The following CREBBP variants were observed in gnomAD, a reference collection of about 807,000 sequenced individuals.
The protein encoded by CREBBP is CREB-binding protein.
Under a neutral mutation model 265.0 loss-of-function variants are expected in CREBBP, and 19 were observed. That is an observed-to-expected ratio of 0.07 (90% CI 0.05 to 0.11). The LOEUF is 0.11. Ranked by LOEUF, CREBBP falls within the 10% of genes least tolerant of loss-of-function variation. The pLI, the probability that CREBBP is intolerant of heterozygous loss-of-function variation, is 1.00. For synonymous variants in CREBBP, 1,457 were observed against 1,223.7 expected (o/e 1.19, Z -3.98); for missense variants, 2,525 against 3,219.0 (o/e 0.78, Z 5.22).
intron 23 of CREBBP, chr16:3,741,180 C>T (rs2052197400): frequency 6.0e-6 from 1 of 167,928 alleles, no homozygotes; most frequent in Non-Finnish European, 1.3e-5. Context: ...AGGGCCAGCC[C>T]CGGGAGGGCT....
intron 2 of CREBBP, among the ~76,000 whole-genome samples, chr16:3,813,676 G>T (rs1392128986): frequency 2.6e-5 from 4 of 152,010 alleles, no homozygotes; most frequent in Admixed American, 2.0e-4. Context: ...ATTTTCCCTC[G>T]ATCAATTCAT....
intron 3 of CREBBP, among the ~76,000 whole-genome samples, chr16:3,806,813 C>T (rs1197397095): frequency 9.9e-5 from 15 of 152,142 alleles, no homozygotes; most frequent in Non-Finnish European, 2.9e-5. Flanking sequence ...CTTCCACTCA[C>T]GCCCTGCTCC....
intron 1 of CREBBP, among the ~76,000 whole-genome samples, chr16:3,856,897 A>C (rs1015794734): frequency 2.0e-5 from 3 of 152,172 alleles, no homozygotes; most frequent in Admixed American, 1.3e-4. Flanking sequence ...CAGGCCACAG[A>C]AGAGCAGATA....
At chr16:3,818,993 G>A (rs754566539) in intron 2 of CREBBP, among the ~76,000 whole-genome samples, 1 of 152,164 alleles carries the variant, frequency 6.6e-6, no homozygotes, top group Non-Finnish European at 1.5e-5. Flanking sequence ...TCACCTCCCC[G>A]CTTAACGCAA....
At chr16:3,733,413 C>A (rs976499734) in intron 28 of CREBBP, among the ~76,000 whole-genome samples, 1 of 151,118 alleles carries the variant, frequency 6.6e-6, no homozygotes, top group Non-Finnish European at 1.5e-5. Context: ...CCGAGGAGCC[C>A]AAATATCACG....
At chr16:3,769,893 C>T (rs940842747) in intron 14 of CREBBP, among the ~76,000 whole-genome samples, 2 of 151,088 alleles carry the variant, frequency 1.3e-5, no homozygotes, top group Non-Finnish European at 2.9e-5. Context: ...TTTTTTGAGA[C>T]GGAGTCTCAC....
chr16:3,828,066 T>C (rs2141403029), intron 2 of CREBBP, among the ~76,000 whole-genome samples: 1 of 152,294 alleles, frequency 6.6e-6, no homozygotes, highest in East Asian at 1.9e-4. Flanking sequence ...GGCACATTTT[T>C]CTAGCCAGAA....
chr16:3,734,533 G>A (rs1399797097), intron 28 of CREBBP, among the ~76,000 whole-genome samples: 2 of 152,130 alleles, frequency 1.3e-5, no homozygotes, highest in African/African-American at 2.4e-5. Flanking sequence ...AGCCTGTCTC[G>A]GACGCGGTAA....
rs748365311 is a variant in CREBBP, at chr16:3,777,575, T to C, written c.2158+38A>G. On this transcript the variant is annotated intron_variant, in intron 11 of 30. Coordinates refer to ENST00000262367, the MANE Select transcript of CREBBP (RefSeq NM_004380.3). ...CAGTGAAAGTTATGGCTGTTGAATG[T>C]AAAACTAAAATATGATTCACCACAA... 22 of 1,609,446 alleles carry C rather than the reference T, an allele frequency of 1.4e-5. No homozygotes were observed. The South Asian group carries it at 1.5e-4, about 11-fold the overall frequency.
chr16:3,754,092 C>T (rs946863864), intron 19 of CREBBP, among the ~76,000 whole-genome samples: 17 of 151,534 alleles, frequency 1.1e-4, no homozygotes, highest in African/African-American at 3.4e-4. Context: ...CTGACTCCCA[C>T]CCTGGAAAAT....
At chr16:3,851,553 G>A (rs969401727) in intron 1 of CREBBP, among the ~76,000 whole-genome samples, 1 of 152,044 alleles carries the variant, frequency 6.6e-6, no homozygotes, top group Non-Finnish European at 1.5e-5. Context: ...ATTTTAAAAT[G>A]CTTTTAAGAA....
At chr16:3,843,688 G>T (rs1209089692) in intron 2 of CREBBP, among the ~76,000 whole-genome samples, 1 of 151,766 alleles carries the variant, frequency 6.6e-6, no homozygotes, top group African/African-American at 2.4e-5. Flanking sequence ...CTAAAGTGTT[G>T]GAATTACAGG....
chr16:3,878,663 T>A lies in CREBBP; in HGVS notation c.85+1169A>T, dbSNP rs537118802. On this transcript the variant is annotated intron_variant, in intron 1 of 30. Transcript: ENST00000262367. ...GTTGAACAGCTGTGTCTAGTGCAAATCTGAAGGCAGCGATGTAATTCAATT... is the reference window on the plus strand; with the variant it reads ...GTTGAACAGCTGTGTCTAGTGCAAAACTGAAGGCAGCGATGTAATTCAATT... Among the ~76,000 whole-genome samples, 4 of 152,320 alleles carry A rather than the reference T, an allele frequency of 2.6e-5. No individual in the cohort carries two copies. The East Asian group carries it at 7.7e-4, about 29-fold the overall frequency.
chr16:3,847,275 C>A (rs1160450326), intron 2 of CREBBP, among the ~76,000 whole-genome samples: 1 of 152,136 alleles, frequency 6.6e-6, no homozygotes, highest in Non-Finnish European at 1.5e-5. Flanking sequence ...TTGCTCTTTT[C>A]CTACTATTTT....
intron 19 of CREBBP, among the ~76,000 whole-genome samples, chr16:3,752,216 A>G (rs566576374): frequency 1.3e-5 from 2 of 152,192 alleles, no homozygotes; most frequent in East Asian, 3.8e-4. Flanking sequence ...AGGAATCTGA[A>G]TTTTGTTCTT....
chr16:3,877,104 C>A (rs903745908), intron 1 of CREBBP, among the ~76,000 whole-genome samples: 1 of 152,176 alleles, frequency 6.6e-6, no homozygotes, highest in Non-Finnish European at 1.5e-5. Flanking sequence ...TCCTTTCAAC[C>A]CCTCAGCTCC....
At chr16:3,773,645 C>A (rs1372502900) in intron 13 of CREBBP, 106 bp downstream of exon 13, 6 of 1,180,444 alleles carry the variant, frequency 5.1e-6, no homozygotes, top group Non-Finnish European at 7.2e-6. Context: ...ATGAAATGTG[C>A]ATTCTGGAAT....
intron 3 of CREBBP, among the ~76,000 whole-genome samples, chr16:3,805,328 T>C (rs762595990): frequency 6.6e-6 from 1 of 152,266 alleles, no homozygotes; most frequent in Non-Finnish European, 1.5e-5. Flanking sequence ...GTAATTTTTC[T>C]ATAGACACTG....
chr16:3,872,695 G>C (rs1327427091), intron 1 of CREBBP, among the ~76,000 whole-genome samples: 1 of 152,260 alleles, frequency 6.6e-6, no homozygotes, highest in Non-Finnish European at 1.5e-5. Context: ...GAGCCTAGGA[G>C]AGACGGGACA....
Sources: allele counts gnomAD v4.1 joint callset (sites outside exome capture counted in the v4.1 genomes callset), GRCh38; gene constraint gnomAD v4.1.1; transcripts MANE v1.5; gene names NCBI Gene and HGNC (gene_info 2026-07-23, HGNC 2026-07-21).